The following NAV1 variants were observed in gnomAD, a reference collection of about 807,000 sequenced individuals.
NAV1 encodes neuron navigator 1.
Under a neutral mutation model 175.2 loss-of-function variants are expected in NAV1, and 18 were observed. That is an observed-to-expected ratio of 0.10 (90% CI 0.07 to 0.15). The LOEUF (loss-of-function observed/expected upper bound fraction) is 0.15. Ranked by LOEUF, NAV1 falls within the 10% of genes least tolerant of loss-of-function variation. The pLI is 1.00. For missense variants in NAV1, 1,731 were observed against 2,436.6 expected, an observed-to-expected ratio of 0.71 and a Z score of 6.10; for synonymous variants, 897 against 978.7, an observed-to-expected ratio of 0.92 and a Z score of 1.56.
rs1181115439 is a variant in NAV1 at position 201,803,730 on chromosome 1, G to C, written c.3639+16G>C. ...AAAGAGTTGGGTAGGTAAAGGTTTG[G>C]GGGGTGGGAAGTAGGTAGAACCGTG... On this transcript the variant is annotated intron_variant, in intron 16 of 29. Transcript: ENST00000367296. 1.8e-5 allele frequency: 27 copies of C among 1,463,934 alleles called. No individual in the cohort carries two copies. The highest frequency in any genetic ancestry group is 2.5e-5 in the East Asian group (1 of 39,628). 90.7% of individuals were successfully genotyped at this position (1,463,934 alleles called of 1,614,324 possible).
chr1:201,788,458 G>A lies in NAV1; in HGVS notation c.2996-10G>A. On this transcript the variant is annotated splice_polypyrimidine_tract_variant and intron_variant, in intron 9 of 29. Coordinates refer to ENST00000367296, the Ensembl canonical transcript of NAV1. This position sits in a 1 kb window ranked among gnomAD's most constrained non-coding sequence, Gnocchi z 5.7. ...TCCCTCTCCTGTCCCCCTTCCCTCT[G>A]TCCTTCCAGTGAGTCCCACTGCGGC... is the stretch of plus-strand genomic sequence containing the variant. The A allele has an allele frequency of 6.2e-7, 1 of 1,613,618 alleles. No homozygotes were observed. The highest frequency in any genetic ancestry group is 8.5e-7 in the Non-Finnish European group (1 of 1,179,902).
At chr1:201,763,641 A>C (rs966718456) in intron 3 of NAV1, among the ~76,000 whole-genome samples, 17 of 152,238 alleles carry the variant, frequency 1.1e-4, no homozygotes, top group African/African-American at 3.9e-4. Context: ...CCCGTTAAAC[A>C]GCTCAACTTT....
At chr1:201,649,530 G>C in intron 1 of NAV1, 105 bp downstream of exon 5, 1 of 1,429,550 alleles carries the variant, frequency 7.0e-7, no homozygotes, top group Non-Finnish European at 9.1e-7. Flanking sequence ...CCTTCCCGGA[G>C]GGCCCTCCTG....
intron 3 of NAV1, among the ~76,000 whole-genome samples, chr1:201,751,506 C>T (rs1273000340): frequency 1.3e-5 from 2 of 152,186 alleles, no homozygotes; most frequent in African/African-American, 4.8e-5. Flanking sequence ...GGAATTTTGT[C>T]TGAATGGAAA....
At chr1:201,774,337 G>A (rs1398706394) in intron 3 of NAV1, among the ~76,000 whole-genome samples, 1 of 152,106 alleles carries the variant, frequency 6.6e-6, no homozygotes, top group Non-Finnish European at 1.5e-5. Context: ...CTGCTATCTT[G>A]AGTGACCAGG....
chr1:201,656,113 C>T (rs1669393611), intron 1 of NAV1, among the ~76,000 whole-genome samples: 1 of 152,274 alleles, frequency 6.6e-6, no homozygotes, highest in Admixed American at 6.5e-5. Flanking sequence ...TCCAACTCAG[C>T]TCCAGCCAAA....
intron 2 of NAV1, among the ~76,000 whole-genome samples, chr1:201,609,325 C>G (rs1667781158): frequency 6.6e-6 from 1 of 152,254 alleles, no homozygotes; most frequent in South Asian, 2.1e-4. Flanking sequence ...AGGTTTGACT[C>G]TAGGTCCAGC....
chr1:201,549,112 T>A (rs973210479), intron 1 of NAV1, among the ~76,000 whole-genome samples: 1 of 146,866 alleles, frequency 6.8e-6, no homozygotes, highest in Admixed American at 6.8e-5. Context: ...TCTTTCTTTC[T>A]TTCTTTCTTT....
intron 16 of NAV1, 103 bp downstream of exon 20, chr1:201,803,817 C>G: frequency 2.9e-6 from 4 of 1,400,698 alleles, no homozygotes; most frequent in Non-Finnish European, 3.9e-6. Context: ...AGGTGTAGTC[C>G]CGTCTAACAC....
chr1:201,792,703 G>C (rs1348890532), intron 13 of NAV1: 1 of 152,208 alleles, frequency 6.6e-6, no homozygotes, highest in African/African-American at 2.4e-5. Flanking sequence ...AACTGCTCAG[G>C]TTGTGACATA....
chr1:201,780,627 T>A, intron 4 of NAV1, 68 bp downstream of exon 8: 1 of 1,599,088 alleles, frequency 6.3e-7, no homozygotes. Context: ...GCATTATCTG[T>A]GTATGGGGTT....
chr1:201,800,874 G>C (rs1426375463), intron 15 of NAV1, among the ~76,000 whole-genome samples: 4 of 125,722 alleles, frequency 3.2e-5, no homozygotes, highest in Non-Finnish European at 6.3e-5. Context: ...TGTTGCCCTG[G>C]ATGGAATGTA....
exon 30 of NAV1, chr1:201,821,753 T>C (rs1679394920): frequency 6.6e-6 from 1 of 152,214 alleles, no homozygotes; most frequent in South Asian, 2.1e-4. Context: ...CCTGAAGGAC[T>C]ATGGAATCTT....
At chr1:201,809,576 C>T in intron 22 of NAV1, 39 bp downstream of exon 26, 1 of 1,575,654 alleles carries the variant, frequency 6.3e-7, no homozygotes, top group Non-Finnish European at 8.7e-7. Context: ...TGTTCATCCT[C>T]TCGTGGAATA....
intron 3 of NAV1, among the ~76,000 whole-genome samples, chr1:201,770,980 G>A (rs999578729): frequency 7.9e-5 from 12 of 152,040 alleles, no homozygotes; most frequent in African/African-American, 2.9e-4. Flanking sequence ...CCCCTCCAAA[G>A]CACAAAAATC....
chr1:201,618,369 G>A (rs627348), upstream of NAV1, among the ~76,000 whole-genome samples: 47,848 of 152,136 alleles, frequency 0.31, 10,131 homozygotes, highest in African/African-American at 0.6. Flanking sequence ...AACAGCGTAT[G>A]AGGTGGTTGG....
At chr1:201,592,035 G>T (rs968735186) in intron 2 of NAV1, among the ~76,000 whole-genome samples, 35 of 152,170 alleles carry the variant, frequency 2.3e-4, no homozygotes, top group Non-Finnish European at 3.8e-4. Flanking sequence ...GCTAGACAAT[G>T]CGAGGACAGT....
At chr1:201,667,239 A>G (rs1669859543) in intron 1 of NAV1, among the ~76,000 whole-genome samples, 1 of 152,212 alleles carries the variant, frequency 6.6e-6, no homozygotes. Context: ...TTTCCCCACT[A>G]AAGTTTAATT....
At chr1:201,632,601 G>C (rs980991407) in intron 2 of NAV1, among the ~76,000 whole-genome samples, 4 of 152,250 alleles carry the variant, frequency 2.6e-5, no homozygotes, top group South Asian at 4.1e-4. Flanking sequence ...TTGCCCCAAG[G>C]CTTATGCAGA....
Sources: gnomAD v4.1 joint callset for allele counts (sites outside exome capture counted in the v4.1 genomes callset) on GRCh38, gnomAD v4.1.1 for gene constraint, Gnocchi (gnomAD v3.1) non-coding constraint, MANE v1.5 for transcripts, NCBI Gene and HGNC (gene_info 2026-07-23, HGNC 2026-07-21) for gene names.